The following C3orf70 variants were observed in gnomAD, a reference collection of about 807,000 sequenced individuals.
C3orf70 encodes UPF0524 protein C3orf70.
A neutral mutation model predicts 20.7 loss-of-function variants in C3orf70; 15 were observed. That is an observed-to-expected ratio of 0.72 (90% CI 0.48 to 1.11). The LOEUF is 1.11. C3orf70 is among the 50% of genes most tolerant of loss of function. The pLI, the probability that C3orf70 is intolerant of heterozygous loss-of-function variation, is 0.00. For synonymous variants in C3orf70, 161 were observed against 125.7 expected, an observed-to-expected ratio of 1.28 and a Z score of -1.88; for missense variants, 332 against 317.6, an observed-to-expected ratio of 1.05 and a Z score of -0.34.
rs1717025761 is a variant in C3orf70 at position 185,152,868 on chromosome 3, G to A, written c.-45C>T. ...AGCCGACACCGGGAGCCCGGGAGAA[G>A]CGACGTCTGGGTGGGCAGGAAGCCG... On this transcript the variant is annotated 5_prime_UTR_variant, in exon 1 of 2. Transcript: ENST00000335012. The A allele has an allele frequency of 6.9e-7, 1 of 1,453,148 alleles. No individual in the cohort carries two copies. Among genetic ancestry groups the A allele is most frequent in the Non-Finnish European group, 9.1e-7 (1 of 1,096,912 alleles). The allele number at this position is 1,453,148 out of a possible 1,614,324, so 90.0% of individuals were successfully genotyped here. A position where few individuals can be genotyped will look rare whatever the true frequency, so the allele number is the denominator to read the frequency against.
chr3:185,082,072 G>T lies in C3orf70; in HGVS notation c.*935C>A, dbSNP rs550974377. 1 of 152,272 alleles carries T rather than the reference G, an allele frequency of 6.6e-6. No homozygotes were observed. Among genetic ancestry groups the T allele is most frequent in the East Asian group, 1.9e-4 (1 of 5,182 alleles). 9.4% of individuals were successfully genotyped at this position (152,272 alleles called of 1,614,324 possible). A position where few individuals can be genotyped will look rare whatever the true frequency, so the allele number is the denominator to read the frequency against. On this transcript the variant is annotated 3_prime_UTR_variant, in exon 2 of 2. Transcript: ENST00000335012. ...GTGATACCTATATAACTTCCTAAGA[G>T]TTTTTCCCAGACTTGAAGAACAATT...
chr3:185,128,293 C>T (rs776846020), intron 1 of C3orf70, among the ~76,000 whole-genome samples: 1 of 151,976 alleles, frequency 6.6e-6, no homozygotes, highest in East Asian at 1.9e-4. Context: ...CTTTGGGAGG[C>T]GAGGCGGGTG....
chr3:185,094,904 G>A (rs755640855), intron 1 of C3orf70, among the ~76,000 whole-genome samples: 5 of 152,132 alleles, frequency 3.3e-5, no homozygotes, highest in Admixed American at 6.5e-5. Flanking sequence ...GAAAAAGGAC[G>A]GCTGCTGACA....
intron 1 of C3orf70, among the ~76,000 whole-genome samples, chr3:185,087,004 C>A (rs1002653230): frequency 2.0e-5 from 3 of 152,028 alleles, no homozygotes; most frequent in African/African-American, 7.2e-5. Flanking sequence ...TATCCTAGGC[C>A]GAGAATCCAT....
Position 185,109,607 on chromosome 3 carries a change from ATAATT to A in C3orf70, c.197-26049_197-26045del, listed in dbSNP as rs554018351. ...AAAGGGGGACAGTCAGTCACAATGA[ATAATT>A]TAATGGTAGCTATGATAGTGGTTAT... On this transcript the variant is annotated intron_variant, in intron 1 of 1. Transcript: ENST00000335012. Among the ~76,000 whole-genome samples the A allele has an allele frequency of 1.9e-3, 289 of 152,338 alleles. 3 individuals are homozygous for A. Among genetic ancestry groups the A allele is most frequent in the Non-Finnish European group, 7.5e-4 (51 of 68,038 alleles).
intron 1 of C3orf70, among the ~76,000 whole-genome samples, chr3:185,099,075 A>G (rs539025601): frequency 6.6e-6 from 1 of 152,376 alleles, no homozygotes; most frequent in South Asian, 2.1e-4. Flanking sequence ...GGTAAGATAT[A>G]GCCATAACAC....
intron 1 of C3orf70, among the ~76,000 whole-genome samples, chr3:185,108,471 C>A (rs1715993041): frequency 6.6e-6 from 1 of 152,174 alleles, no homozygotes; most frequent in Non-Finnish European, 1.5e-5. Flanking sequence ...ACTTTATTTA[C>A]CCAATTGCAA....
At chr3:185,095,304 T>C (rs1715678734) in intron 1 of C3orf70, among the ~76,000 whole-genome samples, 1 of 152,146 alleles carries the variant, frequency 6.6e-6, no homozygotes, top group Non-Finnish European at 1.5e-5. Context: ...ATGAAATCCC[T>C]ATCGGGGGAG....
chr3:185,084,989 T>A (rs1404800726), intron 1 of C3orf70, among the ~76,000 whole-genome samples: 1 of 152,186 alleles, frequency 6.6e-6, no homozygotes, highest in East Asian at 1.9e-4. Flanking sequence ...TTGGACCAGA[T>A]AATTCTTCAT....
At chr3:185,131,811 A>G (rs2108602671) in intron 1 of C3orf70, among the ~76,000 whole-genome samples, 1 of 152,348 alleles carries the variant, frequency 6.6e-6, no homozygotes, top group Admixed American at 6.5e-5. Flanking sequence ...GTAACCTTTT[A>G]GAAGGTCAAG....
chr3:185,146,061 G>A (rs958369356), intron 1 of C3orf70, among the ~76,000 whole-genome samples: 5 of 151,734 alleles, frequency 3.3e-5, no homozygotes, highest in African/African-American at 9.7e-5. Context: ...TCTGTCTCTC[G>A]AAGAACCTAT....
intron 1 of C3orf70, among the ~76,000 whole-genome samples, chr3:185,127,146 GCTGT>G (rs1716427533): frequency 6.6e-6 from 1 of 152,010 alleles, no homozygotes; most frequent in African/African-American, 2.4e-5. Context: ...ATCATTTTGG[GCTGT>G]CTATCTAGAA....
Position 185,144,854 on chromosome 3 carries a change from C to T in C3orf70, c.196+7774G>A, listed in dbSNP as rs184962484. 2.2e-3 allele frequency among the ~76,000 whole-genome samples: 332 copies of T among 152,254 alleles called. 1 individual carries two copies. The highest frequency in any genetic ancestry group is 7.7e-3 in the African/African-American group (318 of 41,546). On this transcript the variant is annotated intron_variant, in intron 1 of 1. Transcript: ENST00000335012. ...GGGGTCTTGCAATGTTGCTCCTGGG[C>T]CAAAGTGGTCCTGAGTAACTGGGAC... is the stretch of plus-strand genomic sequence containing the variant.
chr3:185,087,889 A>G (rs1715488912), intron 1 of C3orf70, among the ~76,000 whole-genome samples: 1 of 150,218 alleles, frequency 6.7e-6, no homozygotes, highest in African/African-American at 2.4e-5. Flanking sequence ...CTTTGACTTT[A>G]TGTATTTTAA....
intron 1 of C3orf70, among the ~76,000 whole-genome samples, chr3:185,141,153 T>G (rs1716743326): frequency 6.6e-6 from 1 of 152,078 alleles, no homozygotes; most frequent in Admixed American, 6.5e-5. Flanking sequence ...AACAAACTTC[T>G]ATTGTTTATA....
At chr3:185,102,781 A>C (rs2108592995) in intron 1 of C3orf70, among the ~76,000 whole-genome samples, 1 of 152,342 alleles carries the variant, frequency 6.6e-6, no homozygotes. Flanking sequence ...TCTTCTACAA[A>C]GTTGATAAAA....
chr3:185,149,394 C>CCA (rs1716943143), intron 1 of C3orf70, among the ~76,000 whole-genome samples: 1 of 104,404 alleles, frequency 9.6e-6, no homozygotes, highest in Non-Finnish European at 1.8e-5. Context: ...CTCTGTCTCC[C>CCA]AAAAAAAAAA....
chr3:185,095,195 C>T (rs1420551341), intron 1 of C3orf70, among the ~76,000 whole-genome samples: 1 of 152,206 alleles, frequency 6.6e-6, no homozygotes, highest in African/African-American at 2.4e-5. Flanking sequence ...TCTCAGCCTC[C>T]TGTCCTTCTC....
intron 1 of C3orf70, among the ~76,000 whole-genome samples, chr3:185,093,522 C>A (rs1378700768): frequency 6.6e-6 from 1 of 152,104 alleles, no homozygotes. Context: ...CAGTGAACAA[C>A]TAGGGGGAAA....
Sources: allele counts gnomAD v4.1 joint callset (sites outside exome capture counted in the v4.1 genomes callset), GRCh38; gene constraint gnomAD v4.1.1; transcripts MANE v1.5; gene names NCBI Gene and HGNC (gene_info 2026-07-23, HGNC 2026-07-21).